Variants in TMEM245 observed in about 807,000 individuals in gnomAD.
TMEM245 encodes protein CG-2.
TMEM245 carries 69 observed loss-of-function variants against 101.2 expected under a neutral mutation model. That is an observed-to-expected ratio of 0.68 (90% confidence interval 0.56 to 0.83). The LOEUF (loss-of-function observed/expected upper bound fraction) is 0.83, where lower values mean the gene tolerates loss of function less well. Ranked by LOEUF, TMEM245 falls within the 40% of genes least tolerant of loss-of-function variation. The pLI is 0.00. For missense variants in TMEM245, 1,075 were observed against 1,092.8 expected, an observed-to-expected ratio of 0.98 and a Z score of 0.23; for synonymous variants, 537 against 449.8, an observed-to-expected ratio of 1.19 and a Z score of -2.45.
intron 10 of TMEM245, among the ~76,000 whole-genome samples, chr9:109,060,907 T>C (rs1828991872): frequency 6.6e-6 from 1 of 152,212 alleles, no homozygotes; most frequent in Non-Finnish European, 1.5e-5. Context: ...ATTTGCATGC[T>C]GAGAGATGTC....
At chr9:109,050,169 G>C in intron 14 of TMEM245, 114 bp downstream of exon 14, 3 of 1,181,986 alleles carry the variant, frequency 2.5e-6, no homozygotes, top group Middle Eastern at 2.8e-4. Context: ...GAAAATACCA[G>C]AGTCCATCAC....
chr9:109,046,757 A>G (rs1042233813), intron 14 of TMEM245, among the ~76,000 whole-genome samples: 3 of 152,346 alleles, frequency 2.0e-5, no homozygotes, highest in Middle Eastern at 3.4e-3. Context: ...GGACATTACA[A>G]TATTTTCATA....
chr9:109,094,969 TAGC>T (rs1830100101), intron 3 of TMEM245, among the ~76,000 whole-genome samples: 2 of 152,080 alleles, frequency 1.3e-5, no homozygotes, highest in South Asian at 4.1e-4. Flanking sequence ...CTCTCCCAGA[TAGC>T]AGCAAGCCAG....
intron 14 of TMEM245, among the ~76,000 whole-genome samples, chr9:109,045,308 A>G (rs1032945498): frequency 2.6e-5 from 4 of 152,118 alleles, no homozygotes; most frequent in Admixed American, 2.0e-4. Flanking sequence ...GGTGTCATAT[A>G]GCAACCTGGC....
chr9:109,057,537 G>A (rs377137380), intron 11 of TMEM245, among the ~76,000 whole-genome samples: 1 of 152,132 alleles, frequency 6.6e-6, no homozygotes, highest in South Asian at 2.1e-4. Flanking sequence ...TGGATCACAA[G>A]GTCAGGAGTT....
At position 109,108,947 on chromosome 9, in the gene TMEM245, G is replaced by A. The variant is rs989524638; in HGVS notation, c.580-377C>T. On this transcript the variant is annotated intron_variant, in intron 1 of 17. Transcript: ENST00000374586. ...GTTGATCAATGTTTAGAAAAGAAAC[G>A]GAAAGAAAAGAAAAAAACAAGAAAA... 9.9e-5 allele frequency among the ~76,000 whole-genome samples: 15 copies of A among 151,952 alleles called. No individual in the cohort carries two copies. In the South Asian group the frequency reaches 1.9e-3, roughly 19 times the overall value.
intron 9 of TMEM245, among the ~76,000 whole-genome samples, chr9:109,066,924 T>C (rs1483437758): frequency 4.0e-5 from 6 of 151,796 alleles, no homozygotes; most frequent in East Asian, 3.9e-4. Context: ...GGTGTGTTGG[T>C]GTGCGCCTGT....
intron 4 of TMEM245, 70 bp from the exon 5 acceptor site, chr9:109,091,225 C>T: frequency 7.3e-7 from 1 of 1,364,754 alleles, no homozygotes; most frequent in Non-Finnish European, 1.0e-6. Context: ...CAGAGCCACT[C>T]ATTAGGCTAG....
intron 14 of TMEM245, chr9:109,039,119 T>G (rs1828228095): frequency 6.6e-6 from 1 of 152,116 alleles, no homozygotes; most frequent in Non-Finnish European, 1.5e-5. Context: ...TCCCAAGAGG[T>G]ATACTGTTAG....
At chr9:109,100,387 G>T (rs1015031729) in intron 3 of TMEM245, among the ~76,000 whole-genome samples, 2 of 152,172 alleles carry the variant, frequency 1.3e-5, no homozygotes, top group Non-Finnish European at 2.9e-5. Flanking sequence ...ACAGTGGCAT[G>T]ATTACTACTC....
rs771183678 is a variant in TMEM245, at chr9:109,119,467, G to A, written c.447C>T (p.Leu149=). 2.0e-6 allele frequency: 3 copies of A among 1,493,884 alleles called. No homozygotes were observed. The highest frequency in any genetic ancestry group is 1.3e-5 in the South Asian group (1 of 78,676). 92.5% of individuals were successfully genotyped at this position (1,493,884 alleles called of 1,614,324 possible). The change falls in exon 1 of 18, where the codon CTC becomes CTT. Residue 149 remains leucine (L), a synonymous_variant. Transcript: ENST00000374586. Reference sequence around the variant, plus strand: ...GCGGGCCGCCGGCGCCGAGCAGCAGGAGCAGGCGGCGGCGGCGCAGCGCCT... The same window carrying A: ...GCGGGCCGCCGGCGCCGAGCAGCAGAAGCAGGCGGCGGCGGCGCAGCGCCT... ...GEQALRRRRL[L]LLLGAGGPLL...
chr9:109,026,173 T>C (rs907645428), intron 17 of TMEM245, among the ~76,000 whole-genome samples: 1 of 152,186 alleles, frequency 6.6e-6, no homozygotes, highest in African/African-American at 2.4e-5. Context: ...AAAATACTGT[T>C]GACAGAGGTT....
intron 14 of TMEM245, among the ~76,000 whole-genome samples, chr9:109,047,056 G>C (rs1441902491): frequency 2.0e-5 from 3 of 152,108 alleles, no homozygotes; most frequent in Non-Finnish European, 4.4e-5. Context: ...ACTTGATATA[G>C]CTTTGGTTAG....
chr9:109,041,873 G>C (rs1171757429), intron 14 of TMEM245, among the ~76,000 whole-genome samples: 1 of 152,002 alleles, frequency 6.6e-6, no homozygotes, highest in Non-Finnish European at 1.5e-5. Context: ...GTTCACACCT[G>C]TAATCCTAAC....
rs142688551 is a variant in TMEM245, at chr9:109,044,024, T to A, written c.2124-5907A>T. ...CCATGCCTCCTTTACACAACTATAT[T>A]TAATAATAACTCCTCTGCACCAGAA... On this transcript the variant is annotated intron_variant, in intron 14 of 17. Coordinates refer to ENST00000374586, the MANE Select transcript of TMEM245 (RefSeq NM_032012.4). Among the ~76,000 whole-genome samples the A allele has an allele frequency of 2.4e-3, 373 of 152,316 alleles. 1 individual carries two copies. Among genetic ancestry groups the A allele is most frequent in the Non-Finnish European group, 2.6e-3 (178 of 68,034 alleles).
At chr9:109,101,664 A>G (rs1176206586) in intron 3 of TMEM245, among the ~76,000 whole-genome samples, 1 of 152,260 alleles carries the variant, frequency 6.6e-6, no homozygotes, top group Non-Finnish European at 1.5e-5. Flanking sequence ...AACAAAATAA[A>G]TAAAACCAAG....
chr9:109,096,354 G>C (rs1025053796), intron 3 of TMEM245, among the ~76,000 whole-genome samples: 6 of 152,182 alleles, frequency 3.9e-5, no homozygotes, highest in Admixed American at 3.3e-4. Flanking sequence ...GCACACGCCT[G>C]TAATCCCAGC....
chr9:109,028,002 G>A (rs1827838234), intron 17 of TMEM245, among the ~76,000 whole-genome samples: 1 of 151,930 alleles, frequency 6.6e-6, no homozygotes. Flanking sequence ...CTTAACATGA[G>A]CCAACAGCCA....
chr9:109,051,363 C>T lies in TMEM245; in HGVS notation c.1855-671G>A, dbSNP rs147988543. 3.2e-4 allele frequency among the ~76,000 whole-genome samples: 47 copies of T among 148,994 alleles called. No individual in the cohort carries two copies. In the East Asian group the frequency reaches 8.7e-3, roughly 27 times the overall value. ...ACATCATTGTAGATTATGTAAAAAT[C>T]GCAAGCAGAGAAAAAATATAGTCAT... On this transcript the variant is annotated intron_variant, in intron 12 of 17. Transcript: ENST00000374586.
Sources: gnomAD v4.1 joint callset for allele counts (sites outside exome capture counted in the v4.1 genomes callset) on GRCh38, gnomAD v4.1.1 for gene constraint, MANE v1.5 for transcripts, NCBI Gene and HGNC (gene_info 2026-07-23, HGNC 2026-07-21) for gene names.